The following HSD17B12 variants were observed in gnomAD, a reference collection of about 807,000 sequenced individuals.
The protein encoded by HSD17B12 is hydroxysteroid 17-beta dehydrogenase 12.
A neutral mutation model predicts 39.3 loss-of-function variants in HSD17B12; 32 were observed. The observed-to-expected ratio is 0.81, with a 90% CI of 0.61 to 1.09. The LOEUF (loss-of-function observed/expected upper bound fraction) is 1.09. Among genes scored for constraint, HSD17B12 ranks in the 50% least tolerant of loss-of-function variants. HSD17B12 has a pLI of 0.00. For missense variants in HSD17B12, 342 were observed against 382.9 expected, an observed-to-expected ratio of 0.89 and a Z score of 0.89; for synonymous variants, 150 against 146.7, an observed-to-expected ratio of 1.02 and a Z score of -0.16.
chr11:43,665,294 C>G, the HSD17B12 span, among the ~76,000 whole-genome samples: 1 of 152,156 alleles, frequency 6.6e-6, no homozygotes, highest in East Asian at 1.9e-4. Flanking sequence ...TCTGGGCCCA[C>G]TGCAACCTCC....
chr11:43,814,270 C>A (rs184931530), intron 4 of HSD17B12, among the ~76,000 whole-genome samples: 8 of 152,114 alleles, frequency 5.3e-5, no homozygotes, highest in Non-Finnish European at 1.0e-4. Context: ...TGAATCCCGG[C>A]ATACTTTGCT....
chr11:43,671,437 T>C, the HSD17B12 span, among the ~76,000 whole-genome samples: 1 of 152,396 alleles, frequency 6.6e-6, no homozygotes, highest in East Asian at 1.9e-4. Context: ...AATTTTGGCC[T>C]CCCAGAGTGT....
At chr11:43,769,001 A>C (rs1056312425) in intron 3 of HSD17B12, among the ~76,000 whole-genome samples, 2 of 152,162 alleles carry the variant, frequency 1.3e-5, no homozygotes, top group Non-Finnish European at 2.9e-5. Flanking sequence ...TCCCCACCAG[A>C]CTCAGAAGCT....
At chr11:43,841,546 CT>C (rs1776522175) in intron 9 of HSD17B12, among the ~76,000 whole-genome samples, 1 of 152,124 alleles carries the variant, frequency 6.6e-6, no homozygotes. Context: ...TTTGAGTTAA[CT>C]TTTATATACC....
the HSD17B12 span, among the ~76,000 whole-genome samples, chr11:43,627,707 A>T: frequency 1.3e-5 from 2 of 152,132 alleles, no homozygotes; most frequent in East Asian, 1.9e-4. Flanking sequence ...TTTGCCTCTT[A>T]TAAAAAAATT....
In HSD17B12 at chr11:43,855,202, A is replaced by C. The variant is rs779763892; in HGVS notation, c.893A>C (p.Asn298Thr). 1.8e-5 allele frequency: 29 copies of C among 1,611,696 alleles called. No individual in the cohort carries two copies. Among genetic ancestry groups the C allele is most frequent in the Admixed American group, 1.7e-5 (1 of 59,524 alleles). ...TATTTGAAAATAGTCATGAATATGA[A>C]CAAGTCTACACGGGCTCACTATCTG... is the stretch of plus-strand genomic sequence containing the variant. ...WIYLKIVMNM[N>T]KSTRAHYLKK... is the part of the protein sequence containing the mutation. The change falls in exon 11 of 11, where the codon AAC (asparagine) becomes ACC (threonine). Residue 298 changes from asparagine (N) to threonine (T), a missense_variant. Coordinates refer to ENST00000278353, the MANE Select transcript of HSD17B12 (RefSeq NM_016142.3).
At chr11:43,690,377 TATATATATATA>T (rs1949844326) in intron 1 of HSD17B12, among the ~76,000 whole-genome samples, 1 of 9,986 alleles carries the variant, frequency 1.0e-4, no homozygotes, top group African/African-American at 4.6e-4. Flanking sequence ...TATATATATA[TATATATATATA>T]TATATATATA....
At chr11:43,731,856 C>T (rs992874921) in intron 1 of HSD17B12, among the ~76,000 whole-genome samples, 7 of 151,990 alleles carry the variant, frequency 4.6e-5, no homozygotes, top group Admixed American at 2.0e-4. Flanking sequence ...GCATGGAACC[C>T]GTGTCCAAAA....
chr11:43,723,044 T>C (rs912386729), intron 1 of HSD17B12, among the ~76,000 whole-genome samples: 7 of 152,170 alleles, frequency 4.6e-5, no homozygotes, highest in African/African-American at 1.7e-4. Context: ...AGTGTGGTCA[T>C]AAAGGATCAA....
chr11:43,678,261 C>T (rs1221329439), upstream of HSD17B12, among the ~76,000 whole-genome samples: 1 of 152,102 alleles, frequency 6.6e-6, no homozygotes, highest in Non-Finnish European at 1.5e-5. Context: ...ATATCTTTTG[C>T]CCACTTGTTG....
At chr11:43,620,909 A>G in the HSD17B12 span, among the ~76,000 whole-genome samples, 8 of 152,336 alleles carry the variant, frequency 5.3e-5, no homozygotes, top group South Asian at 1.7e-3. Flanking sequence ...TAATGTAGAA[A>G]GTATTGTTCA....
At chr11:43,800,530 G>C (rs1950956519) in intron 4 of HSD17B12, among the ~76,000 whole-genome samples, 1 of 152,130 alleles carries the variant, frequency 6.6e-6, no homozygotes, top group Non-Finnish European at 1.5e-5. Flanking sequence ...CTCTTTAGCT[G>C]TTCTTTCCTG....
chr11:43,711,317 T>C (rs912329065), intron 1 of HSD17B12, among the ~76,000 whole-genome samples: 1 of 144,296 alleles, frequency 6.9e-6, no homozygotes, highest in African/African-American at 2.4e-5. Context: ...TGCACAGATA[T>C]TTATTTTATC....
the HSD17B12 span, among the ~76,000 whole-genome samples, chr11:43,586,495 C>T: frequency 6.6e-6 from 1 of 152,192 alleles, no homozygotes; most frequent in Non-Finnish European, 1.5e-5. Context: ...TGATTCTCAT[C>T]CTTCTTGTCC....
the HSD17B12 span, among the ~76,000 whole-genome samples, chr11:43,661,831 T>C: frequency 6.6e-6 from 1 of 152,206 alleles, no homozygotes. Context: ...ATTGAAATTA[T>C]GATATGGAAA....
chr11:43,579,836 C>A, the HSD17B12 span, among the ~76,000 whole-genome samples: 2 of 151,746 alleles, frequency 1.3e-5, no homozygotes, highest in Admixed American at 6.6e-5. Flanking sequence ...CGTCGAGAGA[C>A]GTTTTCTCCG....
chr11:43,826,844 T>C (rs767571683), intron 6 of HSD17B12, among the ~76,000 whole-genome samples: 3 of 152,256 alleles, frequency 2.0e-5, no homozygotes, highest in Non-Finnish European at 4.4e-5. Context: ...CATTGTAGCA[T>C]GATTTTCAAT....
the HSD17B12 span, among the ~76,000 whole-genome samples, chr11:43,584,114 G>C: frequency 6.6e-6 from 1 of 152,132 alleles, no homozygotes; most frequent in East Asian, 1.9e-4. Context: ...CACCCTGGGT[G>C]ATCTGCTCTC....
At chr11:43,582,212 C>G in the HSD17B12 span, among the ~76,000 whole-genome samples, 23 of 152,316 alleles carry the variant, frequency 1.5e-4, no homozygotes, top group African/African-American at 5.5e-4. Flanking sequence ...GGGAAGCCCC[C>G]GCAGAGAAGG....
Sources: gnomAD v4.1 joint callset for allele counts (sites outside exome capture counted in the v4.1 genomes callset) on GRCh38, gnomAD v4.1.1 for gene constraint, MANE v1.5 for transcripts, NCBI Gene and HGNC (gene_info 2026-07-23, HGNC 2026-07-21) for gene names.